The following CLIC5 variants were observed in gnomAD, a reference collection of about 807,000 sequenced individuals.
CLIC5 encodes the protein CLIC family member 5, also known as chloride intracellular channel protein 5.
A neutral mutation model predicts 24.7 loss-of-function variants in CLIC5; 20 were observed. The ratio of observed to expected loss-of-function variants is 0.81; its 90% confidence interval spans 0.57 to 1.18. CLIC5 has a LOEUF of 1.18. Among genes scored for constraint, CLIC5 ranks in the 50% most tolerant of loss-of-function variants. The pLI is 0.00. For missense variants in CLIC5, 341 were observed against 326.1 expected, an observed-to-expected ratio of 1.05 and a Z score of -0.35; for synonymous variants, 159 against 135.6, an observed-to-expected ratio of 1.17 and a Z score of -1.20.
At chr6:46,095,111 A>ACAGGGAGCAGTATCCCAAGGG in the CLIC5 span, among the ~76,000 whole-genome samples, 2 of 152,124 alleles carry the variant, frequency 1.3e-5, no homozygotes, top group African/African-American at 4.8e-5. Flanking sequence ...CAGCCAGGAT[A>ACAGGGAGCAGTATCCCAAGGG]CAGGGAGCAG....
Position 46,015,470 on chromosome 6 carries a change from C to T in CLIC5, c.63+10G>A, listed in dbSNP as rs1001601951. On this transcript the variant is annotated intron_variant, in intron 1 of 5. Coordinates refer to ENST00000339561, the MANE Select transcript of CLIC5 (RefSeq NM_016929.5). ...CGGCAGGTGCGGCGGGAGACTGGAC[C>T]CCGACCTACCTTCACAAAGAGCTCG... 2.3e-5 allele frequency: 35 copies of T among 1,525,682 alleles called. No homozygotes were observed. The highest frequency in any genetic ancestry group is 1.5e-4 in the African/African-American group (11 of 71,200). 94.5% of individuals were successfully genotyped at this position (1,525,682 alleles called of 1,614,324 possible).
chr6:45,956,876 G>A (rs1002010557), intron 1 of CLIC5, among the ~76,000 whole-genome samples: 8 of 152,168 alleles, frequency 5.3e-5, no homozygotes, highest in African/African-American at 9.7e-5. Flanking sequence ...TACAGTGTGG[G>A]CGCTACACCT....
intron 1 of CLIC5, among the ~76,000 whole-genome samples, chr6:46,042,980 T>C (rs1052669389): frequency 7.9e-5 from 12 of 152,202 alleles, no homozygotes; most frequent in African/African-American, 2.4e-4. Flanking sequence ...CTCTTGCTTA[T>C]GTGATTTTGT....
At chr6:46,082,314 T>A (rs1762941299), upstream of CLIC5, among the ~76,000 whole-genome samples, 1 of 152,220 alleles carries the variant, frequency 6.6e-6, no homozygotes, top group Non-Finnish European at 1.5e-5. Flanking sequence ...ATTAGGTCCC[T>A]CTCTTATCCC....
rs149123031 is a variant in CLIC5, at chr6:45,949,303, G to T, written c.252C>A (p.Asp84Glu). ...CCAGGAACTCCTCGATCTTATTGAC[G>T]TCTGTCTTCACGTCCCCGTTGAAGG... ...FLTFNGDVKTDVNKIEEFLEE... is the reference protein window; with the variant it reads ...FLTFNGDVKTEVNKIEEFLEE... The change falls in exon 3 of 6, where the codon GAC becomes GAA. Residue 84 changes from aspartate to glutamate, a missense_variant. Coordinates refer to ENST00000339561, the MANE Select transcript of CLIC5 (RefSeq NM_016929.5). The T allele has an allele frequency of 6.2e-7, 1 of 1,613,914 alleles. No individual in the cohort carries two copies. The highest frequency in any genetic ancestry group is 8.5e-7 in the Non-Finnish European group (1 of 1,179,858).
the CLIC5 span, among the ~76,000 whole-genome samples, chr6:46,104,644 GAGGCAAAGA>G: frequency 6.9e-6 from 1 of 144,974 alleles, no homozygotes; most frequent in Non-Finnish European, 1.5e-5. Flanking sequence ...TTTCCATAAA[GAGGCAAAGA>G]CTCCTATGTT....
intron 4 of CLIC5, among the ~76,000 whole-genome samples, chr6:45,939,263 C>T (rs1392658650): frequency 6.7e-6 from 1 of 148,544 alleles, no homozygotes; most frequent in Non-Finnish European, 1.5e-5. Context: ...GCTCTGTTGC[C>T]CAGGCAACAG....
the CLIC5 span, among the ~76,000 whole-genome samples, chr6:46,105,928 A>G: frequency 6.6e-6 from 1 of 152,198 alleles, no homozygotes; most frequent in Non-Finnish European, 1.5e-5. Flanking sequence ...GTGCAGTTTG[A>G]ACACTTGGAG....
At chr6:45,980,875 CT>C (rs1484495260) in intron 1 of CLIC5, among the ~76,000 whole-genome samples, 6 of 152,248 alleles carry the variant, frequency 3.9e-5, no homozygotes, top group African/African-American at 1.4e-4. Context: ...CTCATTGTGT[CT>C]TTTTTCCCTC....
intron 1 of CLIC5, among the ~76,000 whole-genome samples, chr6:45,960,453 A>C (rs1215444859): frequency 6.6e-6 from 1 of 152,202 alleles, no homozygotes; most frequent in Non-Finnish European, 1.5e-5. Flanking sequence ...ACCAGGGAGA[A>C]CTAGAGGGGC....
chr6:46,034,890 G>A (rs957302697), intron 1 of CLIC5, among the ~76,000 whole-genome samples: 5 of 152,162 alleles, frequency 3.3e-5, no homozygotes, highest in African/African-American at 9.7e-5. Flanking sequence ...ACTAAGGTTC[G>A]GAGAAGTGGG....
chr6:45,916,639 C>T (rs1763041918), intron 4 of CLIC5, among the ~76,000 whole-genome samples: 1 of 152,088 alleles, frequency 6.6e-6, no homozygotes, highest in Non-Finnish European at 1.5e-5. Flanking sequence ...AAGTCTGTGC[C>T]CATGTCACCA....
rs775751621 is a variant in CLIC5, at chr6:45,949,256, T to A, written c.299A>T (p.Lys100Met). ...GCCCCAGAAAGAAACAGATCCTTAC[T>A]TTTCAGGGGTCAAGGTCTCCTCCAG... ...EFLEETLTPE[K>M]YPKLAAKHRE... is the part of the protein sequence containing the mutation. The change falls in exon 3 of 6, where the codon AAG becomes ATG. Residue 100 changes from lysine to methionine, a missense_variant and splice_region_variant. Physicochemically the swap from Lys to Met is moderately conservative, Grantham distance 95. Transcript: ENST00000339561. 2 of 1,612,948 alleles carry A rather than the reference T, an allele frequency of 1.2e-6. No individual in the cohort carries two copies. Among genetic ancestry groups the A allele is most frequent in the Non-Finnish European group, 8.5e-7 (1 of 1,179,292 alleles).
At chr6:45,893,521 C>A (rs1009423698), downstream of CLIC5, among the ~76,000 whole-genome samples, 4 of 152,126 alleles carry the variant, frequency 2.6e-5, no homozygotes, top group African/African-American at 9.7e-5. Context: ...GCTTCACTTT[C>A]CTATATCACA....
intron 1 of CLIC5, among the ~76,000 whole-genome samples, chr6:45,973,057 C>G (rs1765255344): frequency 1.3e-5 from 2 of 152,130 alleles, no homozygotes; most frequent in African/African-American, 4.8e-5. Context: ...GAAGCTGAAA[C>G]TGGAGCTGAG....
chr6:45,948,013 T>G (rs967265882), intron 3 of CLIC5, among the ~76,000 whole-genome samples: 9 of 152,228 alleles, frequency 5.9e-5, no homozygotes, highest in African/African-American at 2.2e-4. Context: ...TTTTAATTTT[T>G]TAACAGCAAT....
chr6:45,989,297 A>G (rs768577901), intron 1 of CLIC5, among the ~76,000 whole-genome samples: 4 of 152,198 alleles, frequency 2.6e-5, no homozygotes, highest in Non-Finnish European at 5.9e-5. Flanking sequence ...TTCTCTGACA[A>G]TTAGCCTCAG....
At chr6:46,123,060 A>C in the CLIC5 span, 1 of 152,264 alleles carries the variant, frequency 6.6e-6, no homozygotes, top group Non-Finnish European at 1.5e-5. Flanking sequence ...AAAGAGAGGG[A>C]ATCCTCCCTA....
At chr6:45,990,906 G>T (rs1193034618) in intron 1 of CLIC5, among the ~76,000 whole-genome samples, 2 of 152,172 alleles carry the variant, frequency 1.3e-5, no homozygotes, top group Non-Finnish European at 2.9e-5. Flanking sequence ...AAAGGGACTG[G>T]ATCTCTGAAA....
Sources: allele counts gnomAD v4.1 joint callset (sites outside exome capture counted in the v4.1 genomes callset), GRCh38; gene constraint gnomAD v4.1.1; transcripts MANE v1.5; gene names NCBI Gene and HGNC (gene_info 2026-07-23, HGNC 2026-07-21).